BNC2: variants seen among roughly 807,000 people sequenced by gnomAD.
The protein encoded by BNC2 is basonuclin zinc finger protein 2, also known as zinc finger protein basonuclin-2.
In BNC2, 20 loss-of-function variants were observed where a neutral mutation model predicts 76.3. The observed-to-expected ratio is 0.26, with a 90% CI of 0.18 to 0.38. The LOEUF is 0.38. Among genes scored for constraint, BNC2 ranks in the 10% least tolerant of loss-of-function variants. The pLI, the probability that BNC2 is intolerant of heterozygous loss-of-function variation, is 1.00. For synonymous variants in BNC2, 582 were observed against 514.8 expected, an observed-to-expected ratio of 1.13 and a Z score of -1.77; for missense variants, 1,382 against 1,399.8, an observed-to-expected ratio of 0.99 and a Z score of 0.20.
chr9:16,533,242 T>C (rs1818034325), intron 5 of BNC2, among the ~76,000 whole-genome samples: 4 of 152,234 alleles, frequency 2.6e-5, no homozygotes, highest in Admixed American at 1.3e-4. Flanking sequence ...ATGAAATATA[T>C]GGTTTGTGTC....
intron 5 of BNC2, among the ~76,000 whole-genome samples, chr9:16,549,748 G>T (rs1341236880): frequency 6.6e-6 from 1 of 151,828 alleles, no homozygotes; most frequent in African/African-American, 2.4e-5. Context: ...TGGTGTTCTG[G>T]GACCATTTGC....
intron 3 of BNC2, among the ~76,000 whole-genome samples, chr9:16,656,007 T>C (rs1044036918): frequency 2.6e-5 from 4 of 152,286 alleles, no homozygotes; most frequent in Admixed American, 1.3e-4. Flanking sequence ...GTGTTCTTAA[T>C]AGGGGAGGTT....
At chr9:16,473,844 G>A (rs960718200) in intron 5 of BNC2, among the ~76,000 whole-genome samples, 2 of 152,146 alleles carry the variant, frequency 1.3e-5, no homozygotes, top group African/African-American at 4.8e-5. Context: ...CTGCACTCCA[G>A]CCTGGGCAAC....
intron 1 of BNC2, among the ~76,000 whole-genome samples, chr9:16,756,793 T>C (rs536067376): frequency 6.6e-6 from 1 of 152,070 alleles, no homozygotes; most frequent in South Asian, 2.1e-4. Flanking sequence ...ATCAAAAATA[T>C]CCTGGCTAAC....
chr9:16,713,810 C>G (rs938490376), intron 3 of BNC2, among the ~76,000 whole-genome samples: 1 of 152,122 alleles, frequency 6.6e-6, no homozygotes, highest in African/African-American at 2.4e-5. Context: ...GTGGTGCCCT[C>G]ATGCTTCTAA....
intron 1 of BNC2, among the ~76,000 whole-genome samples, chr9:16,765,225 G>A (rs902836854): frequency 3.9e-5 from 6 of 152,066 alleles, no homozygotes; most frequent in African/African-American, 1.2e-4. Flanking sequence ...AAAAACTAAA[G>A]CAATTAGAGG....
chr9:16,820,294 C>G (rs1432708464), intron 1 of BNC2, among the ~76,000 whole-genome samples: 1 of 138,534 alleles, frequency 7.2e-6, no homozygotes, highest in East Asian at 2.2e-4. Flanking sequence ...GGCGTGGTGG[C>G]AGGTGCCTGT....
In BNC2 at chr9:16,851,482, G is replaced by A. The variant is rs149306695; in HGVS notation, c.3+19164C>T. Among the ~76,000 whole-genome samples the A allele has an allele frequency of 5.7e-3, 865 of 152,170 alleles. 3 individuals carry two copies. Among genetic ancestry groups the A allele is most frequent in the African/African-American group, 0.019 (789 of 41,504 alleles). On this transcript the variant is annotated intron_variant, in intron 1 of 6. Coordinates refer to ENST00000380672, the MANE Select transcript of BNC2 (RefSeq NM_017637.6). The stretch of plus-strand genomic sequence containing the variant: ...GATCATGCCACTACACTCCAGCCTG[G>A]GTGACAGGGTGAGACCCTGTCTCAA...
intron 1 of BNC2, among the ~76,000 whole-genome samples, chr9:16,761,897 G>C (rs540925579): frequency 1.3e-5 from 2 of 152,220 alleles, no homozygotes; most frequent in East Asian, 3.9e-4. Flanking sequence ...CATGTAAATG[G>C]TGGAGCAGAG....
intron 3 of BNC2, among the ~76,000 whole-genome samples, chr9:16,723,505 G>C (rs1278393501): frequency 6.6e-6 from 1 of 151,470 alleles, no homozygotes; most frequent in African/African-American, 2.4e-5. Flanking sequence ...AAAAATTGGG[G>C]GGGGGGACAA....
At chr9:16,678,930 T>C (rs1286130815) in intron 3 of BNC2, among the ~76,000 whole-genome samples, 2 of 152,170 alleles carry the variant, frequency 1.3e-5, no homozygotes, top group Admixed American at 6.5e-5. Flanking sequence ...ATATGTTCCC[T>C]TGCTTGAGGA....
At chr9:16,467,504 A>C (rs1294875461) in intron 5 of BNC2, among the ~76,000 whole-genome samples, 162 of 121,368 alleles carry the variant, frequency 1.3e-3, no homozygotes, top group African/African-American at 5.2e-3. Flanking sequence ...ATGCAGCCAT[A>C]AAAAATGATG....
At chr9:16,660,883 C>T (rs1398112357) in intron 3 of BNC2, among the ~76,000 whole-genome samples, 5 of 152,004 alleles carry the variant, frequency 3.3e-5, no homozygotes, top group Non-Finnish European at 5.9e-5. Context: ...TTCAAGTGTA[C>T]GGGAGGATGG....
At chr9:16,595,947 G>A (rs1820056695) in intron 3 of BNC2, among the ~76,000 whole-genome samples, 1 of 152,080 alleles carries the variant, frequency 6.6e-6, no homozygotes, top group African/African-American at 2.4e-5. Context: ...CATGTGGACT[G>A]GGTTCACATG....
chr9:16,431,444 C>T (rs965327727), intron 6 of BNC2: 8 of 470,014 alleles, frequency 1.7e-5, no homozygotes, highest in Non-Finnish European at 2.7e-5. Context: ...GAGAATCTCC[C>T]GTATGAAGAC....
At chr9:16,740,486 T>C (rs1824812399) in intron 1 of BNC2, among the ~76,000 whole-genome samples, 1 of 152,206 alleles carries the variant, frequency 6.6e-6, no homozygotes, top group African/African-American at 2.4e-5. Context: ...AGGCTTTGTG[T>C]CATAAGAGTG....
chr9:16,560,292 A>C (rs982064626), intron 4 of BNC2, among the ~76,000 whole-genome samples: 1 of 152,218 alleles, frequency 6.6e-6, no homozygotes, highest in Non-Finnish European at 1.5e-5. Flanking sequence ...AATAGTTGGA[A>C]ATTAGTCCAA....
intron 3 of BNC2, among the ~76,000 whole-genome samples, chr9:16,657,269 A>G (rs1417996940): frequency 6.6e-6 from 1 of 152,212 alleles, no homozygotes; most frequent in Non-Finnish European, 1.5e-5. Context: ...ACAAAGATGA[A>G]CTAGAAAACA....
At chr9:16,506,792 C>T (rs1358374203) in intron 5 of BNC2, among the ~76,000 whole-genome samples, 2 of 151,738 alleles carry the variant, frequency 1.3e-5, no homozygotes, top group Admixed American at 6.6e-5. Context: ...GCTCTTGTCA[C>T]CCAGGCTGGA....
Sources: allele counts gnomAD v4.1 joint callset (sites outside exome capture counted in the v4.1 genomes callset), GRCh38; gene constraint gnomAD v4.1.1; transcripts MANE v1.5; gene names NCBI Gene and HGNC (gene_info 2026-07-23, HGNC 2026-07-21).